The following IQGAP2 variants were observed in gnomAD, a reference collection of about 807,000 sequenced individuals.
The protein encoded by IQGAP2 is IQ motif containing GTPase activating protein 2, also known as ras GTPase-activating-like protein IQGAP2.
Under a neutral mutation model 201.3 loss-of-function variants are expected in IQGAP2, and 173 were observed. The observed-to-expected ratio is 0.86, with a 90% CI of 0.76 to 0.98. IQGAP2 has a LOEUF of 0.98. Ranked by LOEUF, IQGAP2 falls within the 50% of genes least tolerant of loss-of-function variation. The pLI, the probability that IQGAP2 is intolerant of heterozygous loss-of-function variation, is 0.00. For synonymous variants in IQGAP2, 675 were observed against 673.9 expected, an observed-to-expected ratio of 1.00 and a Z score of -0.03; for missense variants, 1,687 against 1,864.8, an observed-to-expected ratio of 0.90 and a Z score of 1.76.
At chr5:76,696,193 C>T (rs1746728145) in intron 32 of IQGAP2, among the ~76,000 whole-genome samples, 1 of 152,116 alleles carries the variant, frequency 6.6e-6, no homozygotes. Flanking sequence ...ATGTACTTGA[C>T]AAGTTTGGTC....
intron 1 of IQGAP2, among the ~76,000 whole-genome samples, chr5:76,435,091 A>G (rs1415190934): frequency 6.8e-6 from 1 of 147,628 alleles, no homozygotes; most frequent in Non-Finnish European, 1.5e-5. Context: ...TTCCTTGTAG[A>G]TTCTGGTTAT....
intron 1 of IQGAP2, among the ~76,000 whole-genome samples, chr5:76,420,570 T>C (rs533923401): frequency 6.6e-6 from 1 of 152,088 alleles, no homozygotes; most frequent in Non-Finnish European, 1.5e-5. Flanking sequence ...ATAGATGGGG[T>C]TTCACTATGT....
intron 30 of IQGAP2, among the ~76,000 whole-genome samples, chr5:76,691,952 A>G (rs377195056): frequency 3.3e-5 from 5 of 152,226 alleles, no homozygotes; most frequent in East Asian, 1.9e-4. Context: ...CTACATGAAC[A>G]TTTCCTGCTA....
chr5:76,567,251 G>A lies in IQGAP2; in HGVS notation c.304-3329G>A, dbSNP rs116200191. On this transcript the variant is annotated intron_variant, in intron 3 of 35. Transcript: ENST00000274364. Reference sequence around the variant, plus strand: ...AATATCCCTAATCCAAAAATCCAAGGTGTTCCAAAATTCAAAACTTTTTGA... The same window carrying A: ...AATATCCCTAATCCAAAAATCCAAGATGTTCCAAAATTCAAAACTTTTTGA... Among the ~76,000 whole-genome samples, 1,164 of 152,226 alleles carry A rather than the reference G, an allele frequency of 7.6e-3. 4 individuals carry two copies. The highest frequency in any genetic ancestry group is 0.027 in the African/African-American group (1,103 of 41,522).
chr5:76,438,987 T>C (rs953873970), intron 1 of IQGAP2, among the ~76,000 whole-genome samples: 11 of 125,896 alleles, frequency 8.7e-5, no homozygotes, highest in African/African-American at 5.1e-4. Flanking sequence ...ATGTTGTCAA[T>C]TTGTGATCTT....
At chr5:76,415,621 A>G (rs1751363287) in intron 1 of IQGAP2, among the ~76,000 whole-genome samples, 1 of 152,220 alleles carries the variant, frequency 6.6e-6, no homozygotes, top group South Asian at 2.1e-4. Context: ...CCAGGACTCT[A>G]TAGCTGTTAA....
At chr5:76,498,885 G>T (rs935206248) in intron 2 of IQGAP2, among the ~76,000 whole-genome samples, 2 of 152,164 alleles carry the variant, frequency 1.3e-5, no homozygotes, top group Non-Finnish European at 2.9e-5. Flanking sequence ...TGATGTCTGG[G>T]GTTCTAGATA....
At chr5:76,682,817 CT>C (rs1256563293) in intron 28 of IQGAP2, among the ~76,000 whole-genome samples, 1 of 152,172 alleles carries the variant, frequency 6.6e-6, no homozygotes, top group Non-Finnish European at 1.5e-5. Context: ...CCAACTTTGA[CT>C]TTTTCTATGG....
chr5:76,477,147 C>T (rs1755481401), intron 2 of IQGAP2, among the ~76,000 whole-genome samples: 2 of 151,556 alleles, frequency 1.3e-5, no homozygotes, highest in Admixed American at 6.6e-5. Context: ...CCAGCCTGGG[C>T]AACATGGTGA....
At chr5:76,689,230 T>TAAAAAA (rs11424254) in intron 30 of IQGAP2, among the ~76,000 whole-genome samples, 6 of 86,492 alleles carry the variant, frequency 6.9e-5, no homozygotes, top group African/African-American at 2.8e-4. Flanking sequence ...CAGGGATATT[T>TAAAAAA]AAAAAAAAAA....
intron 2 of IQGAP2, among the ~76,000 whole-genome samples, chr5:76,520,211 TGTAAGGTATAA>T (rs1421700291): frequency 1.3e-5 from 2 of 152,182 alleles, no homozygotes; most frequent in Non-Finnish European, 2.9e-5. Flanking sequence ...TTATATAAGA[TGTAAGGTATAA>T]GTTAAGGGGG....
At position 76,440,397 on chromosome 5, in the gene IQGAP2, T is replaced by C. The variant is rs190516088; in HGVS notation, c.47-21173T>C. On this transcript the variant is annotated intron_variant, in intron 1 of 35. Transcript: ENST00000274364. ...TTTCATTTTTTATAATTATATATTT[T>C]TAAAAGTAAAATTTTAAAAATACAT... Among the ~76,000 whole-genome samples, 299 of 152,236 alleles carry C rather than the reference T, an allele frequency of 2.0e-3. 1 individual carries two copies. Among genetic ancestry groups the C allele is most frequent in the Non-Finnish European group, 3.2e-3 (218 of 68,010 alleles).
intron 12 of IQGAP2, among the ~76,000 whole-genome samples, chr5:76,609,900 T>A (rs1041940816): frequency 1.3e-5 from 2 of 150,540 alleles, no homozygotes; most frequent in African/African-American, 4.9e-5. Flanking sequence ...TGCATTTTTT[T>A]ATGAATGGAT....
Position 76,611,117 on chromosome 5 carries a change from T to C in IQGAP2, c.1455T>C (p.Asp485=). 1 of 1,614,054 alleles carries C rather than the reference T, an allele frequency of 6.2e-7. No homozygotes were observed. Among genetic ancestry groups the C allele is most frequent in the South Asian group, 1.1e-5 (1 of 91,074 alleles). ...TCCTACCTACTGCGAATATTAGTGA[T>C]GTGGACCCAGCCCATGCCCAGCACT... ...TLLLPTANIS[D]VDPAHAQHYQ... is the part of the protein sequence containing the mutation. The change falls in exon 13 of 36, where the codon GAT becomes GAC. Residue 485 remains aspartate (D), a synonymous_variant. Transcript: ENST00000274364.
At chr5:76,517,572 A>G (rs559168742) in intron 2 of IQGAP2, among the ~76,000 whole-genome samples, 14 of 151,234 alleles carry the variant, frequency 9.3e-5, no homozygotes, top group African/African-American at 2.7e-4. Context: ...GCCACTGCAC[A>G]CTAGCCTGGG....
At chr5:76,615,107 T>C (rs1027512189) in intron 13 of IQGAP2, among the ~76,000 whole-genome samples, 2 of 152,244 alleles carry the variant, frequency 1.3e-5, no homozygotes, top group Non-Finnish European at 2.9e-5. Context: ...ACTTTTTCTA[T>C]GTCTGTTCAC....
chr5:76,539,318 A>G (rs1259031994), intron 2 of IQGAP2, among the ~76,000 whole-genome samples: 1 of 152,130 alleles, frequency 6.6e-6, no homozygotes, highest in Non-Finnish European at 1.5e-5. Context: ...TGGCTCCCTC[A>G]GTGGGCCTGC....
chr5:76,622,008 C>T (rs1400180213), intron 13 of IQGAP2, among the ~76,000 whole-genome samples: 1 of 152,100 alleles, frequency 6.6e-6, no homozygotes, highest in Admixed American at 6.5e-5. Flanking sequence ...CCTCTAGAGA[C>T]AGAAACTAAA....
chr5:76,552,067 T>C (rs1416442625), intron 2 of IQGAP2, among the ~76,000 whole-genome samples: 1 of 152,162 alleles, frequency 6.6e-6, no homozygotes, highest in Non-Finnish European at 1.5e-5. Context: ...AACACTTTCG[T>C]TGTGGGGTGA....
Sources: gnomAD v4.1 joint callset for allele counts (sites outside exome capture counted in the v4.1 genomes callset) on GRCh38, gnomAD v4.1.1 for gene constraint, MANE v1.5 for transcripts, NCBI Gene and HGNC (gene_info 2026-07-23, HGNC 2026-07-21) for gene names.